The following MCU variants were observed in gnomAD, a reference collection of about 807,000 sequenced individuals.
MCU encodes mitochondrial calcium uniporter.
A neutral mutation model predicts 45.2 loss-of-function variants in MCU; 12 were observed. That is an observed-to-expected ratio of 0.27 (90% CI 0.17 to 0.43). The LOEUF (loss-of-function observed/expected upper bound fraction) is 0.43, where lower values mean the gene tolerates loss of function less well. Ranked by LOEUF, MCU falls within the 20% of genes least tolerant of loss-of-function variation. The pLI, the probability that MCU is intolerant of heterozygous loss-of-function variation, is 1.00. For synonymous variants in MCU, 160 were observed against 165.1 expected (o/e 0.97, Z 0.24); for missense variants, 324 against 436.7 (o/e 0.74, Z 2.30).
chr10:72,759,409 T>G (rs1843623613), intron 1 of MCU, among the ~76,000 whole-genome samples: 1 of 152,142 alleles, frequency 6.6e-6, no homozygotes, highest in Admixed American at 6.5e-5. Flanking sequence ...TCGGGGTCAG[T>G]CTTTAACTAC....
At chr10:72,844,161 C>A (rs1215555985) in intron 2 of MCU, among the ~76,000 whole-genome samples, 1 of 151,970 alleles carries the variant, frequency 6.6e-6, no homozygotes, top group African/African-American at 2.4e-5. Flanking sequence ...CCAAGGCGGG[C>A]AGATCACCTT....
At chr10:72,695,076 G>A (rs191236907) in intron 1 of MCU, among the ~76,000 whole-genome samples, 250 of 152,312 alleles carry the variant, frequency 1.6e-3, no homozygotes, top group African/African-American at 5.7e-3. Context: ...GTTAGTGAAG[G>A]TGGCTGCTAT....
chr10:72,793,760 G>T (rs1160155863), intron 1 of MCU, among the ~76,000 whole-genome samples: 1 of 152,014 alleles, frequency 6.6e-6, no homozygotes, highest in Non-Finnish European at 1.5e-5. Flanking sequence ...ATGGTGGCTG[G>T]TATCTAAGAG....
At chr10:72,840,757 C>T (rs539419392) in intron 2 of MCU, among the ~76,000 whole-genome samples, 2 of 152,108 alleles carry the variant, frequency 1.3e-5, no homozygotes, top group African/African-American at 4.8e-5. Context: ...AACAGAAGCA[C>T]CTTATATTTT....
chr10:72,848,449 G>T (rs997478834), intron 2 of MCU, among the ~76,000 whole-genome samples: 7 of 151,988 alleles, frequency 4.6e-5, no homozygotes, highest in Admixed American at 4.6e-4. Flanking sequence ...TGAACTCACC[G>T]TTTTTGGGAG....
intron 1 of MCU, among the ~76,000 whole-genome samples, chr10:72,748,111 G>A (rs567224345): frequency 4.7e-5 from 7 of 150,468 alleles, no homozygotes; most frequent in African/African-American, 1.5e-4. Context: ...GCAATGGCAC[G>A]ATCTCAGCTC....
intron 6 of MCU, among the ~76,000 whole-genome samples, chr10:72,875,319 G>A (rs1271789281): frequency 1.3e-5 from 2 of 152,132 alleles, no homozygotes; most frequent in Non-Finnish European, 2.9e-5. Context: ...TTTTGTAAAT[G>A]TTTTCTGTAT....
intron 7 of MCU, 135 bp downstream of exon 7, chr10:72,884,517 C>T: frequency 1.7e-6 from 1 of 586,578 alleles, no homozygotes; most frequent in Non-Finnish European, 3.0e-6. Context: ...AATTATTCCT[C>T]AGTTGATTAC....
intron 7 of MCU, among the ~76,000 whole-genome samples, chr10:72,884,659 T>C (rs948974330): frequency 6.6e-6 from 1 of 152,084 alleles, no homozygotes; most frequent in African/African-American, 2.4e-5. Flanking sequence ...TTTTTTTTTT[T>C]TTCATTTTAT....
At chr10:72,726,285 G>GTGTGTGTA (rs66576718) in intron 1 of MCU, among the ~76,000 whole-genome samples, 2 of 148,176 alleles carry the variant, frequency 1.3e-5, no homozygotes, top group African/African-American at 5.0e-5. Context: ...GTGTGTGTGT[G>GTGTGTGTA]TAGTTCGTTC....
chr10:72,821,114 T>C (rs1266783297), intron 1 of MCU, among the ~76,000 whole-genome samples: 1 of 152,198 alleles, frequency 6.6e-6, no homozygotes, highest in African/African-American at 2.4e-5. Context: ...TTGTAACTTC[T>C]TTGTGATCAT....
intron 6 of MCU, 145 bp from the exon 7 acceptor site, chr10:72,884,121 A>C (rs1214533010): frequency 3.4e-6 from 2 of 596,196 alleles, no homozygotes; most frequent in Admixed American, 5.5e-5. Context: ...TTCACAGTAG[A>C]AATGTTCAGG....
rs911291579 is a variant in MCU at position 72,745,234 on chromosome 10, A to AT, written c.150+52944dup. Among the ~76,000 whole-genome samples, 69 of 148,922 alleles carry AT rather than the reference A, an allele frequency of 4.6e-4. 1 individual carries two copies. The highest frequency in any genetic ancestry group is 5.9e-4 in the East Asian group (3 of 5,118). On this transcript the variant is annotated intron_variant, in intron 1 of 7. Coordinates refer to ENST00000373053, the MANE Select transcript of MCU (RefSeq NM_138357.3). ...TTCTTCCAGTGGAATACTGTTCAGA[A>AT]TTTTTTTTTTTGAGATGGAGTTTCA...
chr10:72,754,892 A>G (rs1266990094), intron 1 of MCU, among the ~76,000 whole-genome samples: 1 of 152,170 alleles, frequency 6.6e-6, no homozygotes, highest in African/African-American at 2.4e-5. Flanking sequence ...GTTTGCAGAC[A>G]TTTTTTGCAG....
chr10:72,702,268 AAAG>A (rs993498854), intron 1 of MCU, among the ~76,000 whole-genome samples: 5 of 152,046 alleles, frequency 3.3e-5, no homozygotes, highest in South Asian at 4.1e-4. Flanking sequence ...AAGAAAAAAA[AAAG>A]AAGAAGAAAA....
At chr10:72,733,854 CTTT>C (rs1234490637) in intron 1 of MCU, among the ~76,000 whole-genome samples, 2 of 151,382 alleles carry the variant, frequency 1.3e-5, no homozygotes, top group Admixed American at 1.3e-4. Context: ...AAAGAATTAA[CTTT>C]TTATTATGAT....
At chr10:72,742,064 C>T (rs1843343181) in intron 1 of MCU, among the ~76,000 whole-genome samples, 1 of 149,150 alleles carries the variant, frequency 6.7e-6, no homozygotes, top group South Asian at 2.1e-4. Context: ...ACATTGCAGT[C>T]AACCATAACC....
chr10:72,781,059 A>T (rs1388499323), intron 1 of MCU, among the ~76,000 whole-genome samples: 1 of 151,244 alleles, frequency 6.6e-6, no homozygotes, highest in Non-Finnish European at 1.5e-5. Context: ...CTCAAAAAAT[A>T]AAAAAAATTT....
chr10:72,749,734 A>T (rs1343772822), intron 1 of MCU, among the ~76,000 whole-genome samples: 2 of 152,112 alleles, frequency 1.3e-5, no homozygotes, highest in Admixed American at 1.3e-4. Flanking sequence ...ACATATGGTC[A>T]CCCTAGTTAA....
Sources: allele counts gnomAD v4.1 joint callset (sites outside exome capture counted in the v4.1 genomes callset), GRCh38; gene constraint gnomAD v4.1.1; transcripts MANE v1.5; gene names NCBI Gene and HGNC (gene_info 2026-07-23, HGNC 2026-07-21).